The following GAB1 variants were observed in gnomAD, a reference collection of about 807,000 sequenced individuals.
The protein encoded by GAB1 is GRB2 associated binding protein 1.
GAB1 carries 19 observed loss-of-function variants against 66.5 expected under a neutral mutation model. The observed-to-expected ratio is 0.29, with a 90% confidence interval of 0.20 to 0.42. GAB1 has a LOEUF of 0.42. Ranked by LOEUF, GAB1 falls within the 10% of genes least tolerant of loss-of-function variation. GAB1 has a pLI of 1.00. For missense variants in GAB1, 732 were observed against 858.5 expected (o/e 0.85, Z 1.84); for synonymous variants, 294 against 301.4 (o/e 0.98, Z 0.25).
At position 143,373,044 on chromosome 4, in the gene GAB1, A is replaced by ACACACACACAC. The variant is rs1560725364; in HGVS notation, c.72+35784_72+35785insCACACACACAC. On this transcript the variant is annotated intron_variant, in intron 1 of 9. Transcript: ENST00000262994. ...ATCTGAGGATTGAATTTCCTTTAAA[A>ACACACACACAC]ACACACACACACACACACACACACA... is the stretch of plus-strand genomic sequence containing the variant. Among the ~76,000 whole-genome samples, 706 of 148,246 alleles carry ACACACACACAC rather than the reference A, an allele frequency of 4.8e-3. 2 individuals are homozygous for ACACACACACAC. Among genetic ancestry groups the ACACACACACAC allele is most frequent in the Non-Finnish European group, 7.2e-3 (480 of 66,728 alleles).
intron 1 of GAB1, among the ~76,000 whole-genome samples, chr4:143,348,523 C>T (rs1213037431): frequency 6.6e-6 from 1 of 152,238 alleles, no homozygotes; most frequent in East Asian, 1.9e-4. Flanking sequence ...ATTTATTGGC[C>T]ACTCTTGCCT....
At position 143,438,026 on chromosome 4, in the gene GAB1, C is replaced by T. The variant is rs777808699; in HGVS notation, c.621C>T (p.Thr207=). The part of the protein sequence containing the change: ...TRTHADSAKS[T]SSETDCNDNV... ...CGCATGCTGATTCTGCAAAATCCAC[C>T]TCTTCTGAAACAGACTGCAATGATA... Residue 207 remains threonine (T), a synonymous_variant, in exon 4 of 10, where the codon ACC becomes ACT. Transcript: ENST00000262994. The T allele has an allele frequency of 6.2e-7, 1 of 1,612,554 alleles. No individual in the cohort carries two copies. Among genetic ancestry groups the T allele is most frequent in the South Asian group, 1.1e-5 (1 of 90,916 alleles).
chr4:143,449,196 A>T (rs1179350293), intron 6 of GAB1, among the ~76,000 whole-genome samples: 1 of 149,584 alleles, frequency 6.7e-6, no homozygotes, highest in African/African-American at 2.5e-5. Flanking sequence ...TGCTGAGGAG[A>T]GCTTTACTTC....
intron 1 of GAB1, among the ~76,000 whole-genome samples, chr4:143,342,523 A>G (rs1728854141): frequency 6.6e-6 from 1 of 150,400 alleles, no homozygotes; most frequent in Non-Finnish European, 1.5e-5. Context: ...AGACTGAGAA[A>G]GTTTCAGAGG....
intron 2 of GAB1, among the ~76,000 whole-genome samples, chr4:143,416,965 T>C (rs1732725722): frequency 6.6e-6 from 1 of 152,136 alleles, no homozygotes; most frequent in Non-Finnish European, 1.5e-5. Context: ...TCATTACCTA[T>C]GAAATGCAAG....
chr4:143,439,780 G>T, intron 4 of GAB1, 22 bp from the exon 5 acceptor site: 2 of 1,550,736 alleles, frequency 1.3e-6, no homozygotes, highest in Non-Finnish European at 8.9e-7. Flanking sequence ...AATAAATGTT[G>T]ATAGTTTGTT....
At chr4:143,431,560 A>G (rs750553542) in intron 2 of GAB1, among the ~76,000 whole-genome samples, 2 of 152,188 alleles carry the variant, frequency 1.3e-5, no homozygotes, top group Non-Finnish European at 2.9e-5. Flanking sequence ...CTGGCTTTCA[A>G]ACTTTACTAA....
At chr4:143,448,532 G>A (rs1335108978) in intron 6 of GAB1, among the ~76,000 whole-genome samples, 3 of 151,736 alleles carry the variant, frequency 2.0e-5, no homozygotes, top group Admixed American at 1.3e-4. Context: ...GAGTGTATGT[G>A]TCGAGGAATT....
At chr4:143,384,081 A>G (rs1314872018) in intron 1 of GAB1, among the ~76,000 whole-genome samples, 1 of 151,564 alleles carries the variant, frequency 6.6e-6, no homozygotes, top group Non-Finnish European at 1.5e-5. Flanking sequence ...TCTAAAAAGA[A>G]AAAAAAAAGA....
intron 1 of GAB1, among the ~76,000 whole-genome samples, chr4:143,343,895 T>TA (rs1309619247): frequency 6.6e-6 from 1 of 152,220 alleles, no homozygotes; most frequent in Admixed American, 6.5e-5. Flanking sequence ...GTCAGCTGTA[T>TA]CTTCTAGTTT....
intron 1 of GAB1, 91 bp downstream of exon 1, chr4:143,337,351 G>A (rs1728693949): frequency 4.5e-6 from 5 of 1,108,094 alleles, no homozygotes; most frequent in Non-Finnish European, 6.7e-6. Context: ...GCCGCGCGCG[G>A]GGCTGGTTCT....
intron 6 of GAB1, among the ~76,000 whole-genome samples, chr4:143,453,733 G>A (rs1735042146): frequency 6.6e-6 from 1 of 152,094 alleles, no homozygotes; most frequent in South Asian, 2.1e-4. Context: ...AAGGATATGG[G>A]ACTAAGAACA....
intron 6 of GAB1, among the ~76,000 whole-genome samples, chr4:143,441,919 G>T (rs1308782600): frequency 7.9e-5 from 12 of 152,160 alleles, no homozygotes; most frequent in Non-Finnish European, 2.9e-5. Flanking sequence ...TGATGTGATT[G>T]GTCTATGTGT....
intron 1 of GAB1, among the ~76,000 whole-genome samples, chr4:143,353,731 C>T (rs753925929): frequency 1.3e-5 from 2 of 151,542 alleles, no homozygotes; most frequent in Non-Finnish European, 2.9e-5. Context: ...TGAGTATCAC[C>T]AGCATTTGTT....
At chr4:143,385,947 C>A (rs138597764) in intron 1 of GAB1, among the ~76,000 whole-genome samples, 1 of 151,974 alleles carries the variant, frequency 6.6e-6, no homozygotes, top group Non-Finnish European at 1.5e-5. Flanking sequence ...CAAGACAAGC[C>A]GGAGCAACAT....
chr4:143,393,931 T>C (rs1731310056), intron 1 of GAB1, among the ~76,000 whole-genome samples: 1 of 152,002 alleles, frequency 6.6e-6, no homozygotes, highest in South Asian at 2.1e-4. Flanking sequence ...AAAGTGGAAA[T>C]AAAAGATGTG....
intron 1 of GAB1, among the ~76,000 whole-genome samples, chr4:143,411,617 G>A (rs948793047): frequency 3.3e-5 from 5 of 152,160 alleles, no homozygotes; most frequent in African/African-American, 1.2e-4. Flanking sequence ...GATAAAAATA[G>A]GACAAACTTT....
At chr4:143,430,736 C>T (rs1332855475) in intron 2 of GAB1, among the ~76,000 whole-genome samples, 1 of 152,200 alleles carries the variant, frequency 6.6e-6, no homozygotes, top group Non-Finnish European at 1.5e-5. Flanking sequence ...TTAAGAGTAC[C>T]TTATTGTGCT....
At chr4:143,451,799 G>T (rs1734942629) in intron 6 of GAB1, among the ~76,000 whole-genome samples, 1 of 151,980 alleles carries the variant, frequency 6.6e-6, no homozygotes, top group African/African-American at 2.4e-5. Flanking sequence ...GTGATTTTTG[G>T]AAGTTTTGAG....
Sources: allele counts gnomAD v4.1 joint callset (sites outside exome capture counted in the v4.1 genomes callset), GRCh38; gene constraint gnomAD v4.1.1; transcripts MANE v1.5; gene names NCBI Gene and HGNC (gene_info 2026-07-23, HGNC 2026-07-21).